Variants in RALGAPA1 observed in about 807,000 individuals in gnomAD.
RALGAPA1 encodes the protein Ral GTPase activating protein catalytic subunit alpha 1.
A neutral mutation model predicts 269.6 loss-of-function variants in RALGAPA1; 52 were observed. That is an observed-to-expected ratio of 0.19 (90% CI 0.15 to 0.24). RALGAPA1 has a LOEUF of 0.24. Ranked by LOEUF, RALGAPA1 falls within the 10% of genes least tolerant of loss-of-function variation. RALGAPA1 has a pLI of 1.00. For missense variants in RALGAPA1, 1,917 were observed against 3,013.9 expected (o/e 0.64, Z 8.52); for synonymous variants, 817 against 1,008.3 (o/e 0.81, Z 3.60).
intron 21 of RALGAPA1, among the ~76,000 whole-genome samples, chr14:35,683,284 A>C (rs2065624506): frequency 6.6e-6 from 1 of 152,206 alleles, no homozygotes; most frequent in Non-Finnish European, 1.5e-5. Flanking sequence ...ACTACATGTA[A>C]AAAGTTTCCA....
At chr14:35,564,602 A>G (rs1451030407) in intron 39 of RALGAPA1, 1 of 152,224 alleles carries the variant, frequency 6.6e-6, no homozygotes, top group Non-Finnish European at 1.5e-5. Flanking sequence ...TATTTAAGAA[A>G]AAGTCAAATC....
intron 18 of RALGAPA1, 100 bp downstream of exon 18, chr14:35,688,359 A>G (rs72668485): frequency 0.016 from 20,959 of 1,346,738 alleles, 249 homozygotes; most frequent in Non-Finnish European, 0.018. Flanking sequence ...AGCAGTGACC[A>G]TCCCAAAGCT....
At chr14:35,790,052 A>G in intron 1 of RALGAPA1, among the ~76,000 whole-genome samples, 1 of 151,916 alleles carries the variant, frequency 6.6e-6, no homozygotes, top group East Asian at 2.0e-4. Context: ...CGGGAGTTTG[A>G]GACCAGTCTA....
At chr14:35,573,375 A>C (rs1274419199) in intron 37 of RALGAPA1, among the ~76,000 whole-genome samples, 1 of 152,156 alleles carries the variant, frequency 6.6e-6, no homozygotes, top group Non-Finnish European at 1.5e-5. Context: ...GCTATAATGC[A>C]TTTTATTATA....
intron 12 of RALGAPA1, among the ~76,000 whole-genome samples, chr14:35,737,258 T>A (rs556403097): frequency 6.6e-6 from 1 of 152,004 alleles, no homozygotes; most frequent in South Asian, 2.1e-4. Flanking sequence ...AAAATTAAAA[T>A]CTGACAGTAC....
In RALGAPA1 at chr14:35,684,927, G is replaced by C; in HGVS notation, c.4294+2C>G. 7.4e-6 allele frequency: 12 copies of C among 1,612,670 alleles called. No homozygotes were observed. The highest frequency in any genetic ancestry group is 1.0e-5 in the Non-Finnish European group (12 of 1,179,588). ...TAGTATTCAAATAGAAAAGATACTT[G>C]CTGTCAAATTTTCGGCCATCATATT... On this transcript the variant is annotated splice_donor_variant, in intron 20 of 41. Transcript: ENST00000680220. LOFTEE classifies it high-confidence loss of function.
At chr14:35,744,100 G>A (rs770011262) in intron 10 of RALGAPA1, among the ~76,000 whole-genome samples, 39 of 152,040 alleles carry the variant, frequency 2.6e-4, no homozygotes, top group South Asian at 1.2e-3. Context: ...TGCCGGGCGC[G>A]GTGGCTCACG....
intron 1 of RALGAPA1, among the ~76,000 whole-genome samples, chr14:35,781,604 AT>A (rs1170002101): frequency 3.3e-5 from 5 of 151,862 alleles, no homozygotes; most frequent in African/African-American, 2.4e-5. Context: ...CTATCTATCT[AT>A]CTACACACAC....
intron 12 of RALGAPA1, among the ~76,000 whole-genome samples, chr14:35,731,503 G>C (rs1270367687): frequency 1.3e-5 from 2 of 152,086 alleles, no homozygotes; most frequent in Admixed American, 6.5e-5. Context: ...GAAGTGAAGG[G>C]ACAAATATTC....
chr14:35,644,808 T>C (rs2062283671), intron 31 of RALGAPA1, among the ~76,000 whole-genome samples: 1 of 152,074 alleles, frequency 6.6e-6, no homozygotes, highest in Admixed American at 6.6e-5. Flanking sequence ...AAACAGCTAA[T>C]GCATGTGGTG....
chr14:35,581,303 G>A (rs1036593753), intron 37 of RALGAPA1, among the ~76,000 whole-genome samples: 3 of 152,010 alleles, frequency 2.0e-5, no homozygotes, highest in Non-Finnish European at 4.4e-5. Context: ...ATAGGGAAAC[G>A]GGAAACATCA....
intron 39 of RALGAPA1, among the ~76,000 whole-genome samples, chr14:35,552,947 T>A (rs181192078): frequency 4.5e-3 from 688 of 152,312 alleles, no homozygotes; most frequent in African/African-American, 0.015. Context: ...CTCTTGATTT[T>A]AAGCTTCAAG....
At chr14:35,802,413 AATAGAT>A (rs1399528964) in intron 1 of RALGAPA1, among the ~76,000 whole-genome samples, 3 of 152,206 alleles carry the variant, frequency 2.0e-5, no homozygotes, top group Admixed American at 6.5e-5. Flanking sequence ...TCCAATCAGA[AATAGAT>A]ATAAAGGTAA....
At chr14:35,624,234 C>G (rs7144809) in intron 35 of RALGAPA1, among the ~76,000 whole-genome samples, 1 of 137,594 alleles carries the variant, frequency 7.3e-6, no homozygotes, top group African/African-American at 2.8e-5. Context: ...AAAAAGGAGT[C>G]CAGTGTTATA....
chr14:35,770,021 G>A (rs1229848943), intron 4 of RALGAPA1, among the ~76,000 whole-genome samples: 1 of 151,958 alleles, frequency 6.6e-6, no homozygotes, highest in East Asian at 1.9e-4. Context: ...TAAACAGAGA[G>A]GCAAACTGAA....
chr14:35,684,054 C>A, intron 20 of RALGAPA1, 69 bp from the exon 21 acceptor site: 2 of 1,247,140 alleles, frequency 1.6e-6, no homozygotes, highest in Non-Finnish European at 2.3e-6. Context: ...AGAGCTAAAT[C>A]AGCAAAATGA....
chr14:35,677,805 AC>A, intron 22 of RALGAPA1, 144 bp downstream of exon 22: 1 of 701,728 alleles, frequency 1.4e-6, no homozygotes, highest in Non-Finnish European at 2.3e-6. Flanking sequence ...GAAAAAAGTT[AC>A]ATTAACAAAT....
chr14:35,690,388 C>A (rs2066376569), intron 17 of RALGAPA1, among the ~76,000 whole-genome samples: 2 of 152,172 alleles, frequency 1.3e-5, no homozygotes, highest in African/African-American at 4.8e-5. Context: ...ACACAGAAAG[C>A]CGATCCAAGT....
intron 4 of RALGAPA1, among the ~76,000 whole-genome samples, chr14:35,767,715 T>A (rs959186742): frequency 6.6e-6 from 1 of 151,874 alleles, no homozygotes; most frequent in African/African-American, 2.4e-5. Flanking sequence ...AACAAAAACC[T>A]AGAAACAGAA....
Sources: gnomAD v4.1 joint callset for allele counts (sites outside exome capture counted in the v4.1 genomes callset) on GRCh38, gnomAD v4.1.1 for gene constraint, MANE v1.5 for transcripts, NCBI Gene and HGNC (gene_info 2026-07-23, HGNC 2026-07-21) for gene names.